Variants in SIK3 observed in about 807,000 individuals in gnomAD.
The protein encoded by SIK3 is SIK family kinase 3, also known as serine/threonine-protein kinase SIK3.
A neutral mutation model predicts 144.2 loss-of-function variants in SIK3; 28 were observed. The observed-to-expected ratio is 0.19, with a 90% CI of 0.14 to 0.27. SIK3 has a LOEUF of 0.27. Ranked by LOEUF, SIK3 falls within the 10% of genes least tolerant of loss-of-function variation. SIK3 has a pLI of 1.00. For synonymous variants in SIK3, 686 were observed against 676.3 expected, an observed-to-expected ratio of 1.01 and a Z score of -0.22; for missense variants, 1,319 against 1,776.0, an observed-to-expected ratio of 0.74 and a Z score of 4.62.
At chr11:117,058,149 G>C (rs1460610729) in intron 1 of SIK3, among the ~76,000 whole-genome samples, 1 of 152,142 alleles carries the variant, frequency 6.6e-6, no homozygotes, top group Non-Finnish European at 1.5e-5. Flanking sequence ...TGAAGGATCT[G>C]AAAAAGGGCC....
At chr11:117,094,604 C>A (rs943498328) in intron 1 of SIK3, among the ~76,000 whole-genome samples, 1 of 151,878 alleles carries the variant, frequency 6.6e-6, no homozygotes, top group Non-Finnish European at 1.5e-5. Context: ...TAAGACCCTG[C>A]CCCAATATTT....
intron 1 of SIK3, among the ~76,000 whole-genome samples, chr11:117,085,465 A>T (rs568192334): frequency 4.6e-5 from 7 of 152,228 alleles, no homozygotes; most frequent in Admixed American, 2.0e-4. Context: ...AAGAATCTTC[A>T]TCTATTTAGA....
intron 22 of SIK3, 114 bp from the exon 23 acceptor site, chr11:116,847,722 A>G: frequency 1.6e-6 from 2 of 1,230,386 alleles, no homozygotes; most frequent in Non-Finnish European, 2.3e-6. Flanking sequence ...CCGGGGCCCC[A>G]CTCCAGACTC....
At chr11:116,865,253 A>T (rs1348357889) in intron 15 of SIK3, among the ~76,000 whole-genome samples, 1 of 152,142 alleles carries the variant, frequency 6.6e-6, no homozygotes, top group Admixed American at 6.5e-5. Flanking sequence ...CCCCTCAGAA[A>T]GCCATGTTCT....
chr11:116,957,303 A>G (rs1949174177), intron 1 of SIK3, among the ~76,000 whole-genome samples: 1 of 152,162 alleles, frequency 6.6e-6, no homozygotes, highest in Non-Finnish European at 1.5e-5. Flanking sequence ...CATTTCTTCA[A>G]TTGCTTATAC....
chr11:117,074,245 A>G (rs1319998790), intron 1 of SIK3, among the ~76,000 whole-genome samples: 1 of 152,170 alleles, frequency 6.6e-6, no homozygotes, highest in Non-Finnish European at 1.5e-5. Flanking sequence ...TACTCCTAGC[A>G]AACAGGATCC....
chr11:116,977,669 A>G (rs1160724911), intron 1 of SIK3, among the ~76,000 whole-genome samples: 1 of 152,172 alleles, frequency 6.6e-6, no homozygotes, highest in Non-Finnish European at 1.5e-5. Flanking sequence ...AAATAAAAAT[A>G]AACAAACTAA....
chr11:117,011,405 G>A (rs1951247361), intron 1 of SIK3, among the ~76,000 whole-genome samples: 3 of 152,152 alleles, frequency 2.0e-5, no homozygotes, highest in Admixed American at 2.0e-4. Context: ...AATTCCAAGA[G>A]ATGATTTGGG....
At chr11:117,022,320 G>A (rs1428099951) in intron 1 of SIK3, among the ~76,000 whole-genome samples, 1 of 151,566 alleles carries the variant, frequency 6.6e-6, no homozygotes, top group African/African-American at 2.4e-5. Context: ...TGCATTTCCT[G>A]GTATATAAAT....
chr11:116,920,241 G>C (rs1946886581), intron 4 of SIK3, among the ~76,000 whole-genome samples: 1 of 148,480 alleles, frequency 6.7e-6, no homozygotes, highest in African/African-American at 2.5e-5. Flanking sequence ...GAACCTAAAT[G>C]AAATCCCACA....
intron 1 of SIK3, among the ~76,000 whole-genome samples, chr11:117,081,349 C>T (rs1954775779): frequency 6.6e-6 from 1 of 152,162 alleles, no homozygotes; most frequent in Admixed American, 6.5e-5. Flanking sequence ...AGAGGCCGGG[C>T]GCAGTGGCTC....
intron 1 of SIK3, among the ~76,000 whole-genome samples, chr11:117,091,175 C>T (rs1042501714): frequency 1.3e-5 from 2 of 148,502 alleles, no homozygotes; most frequent in Admixed American, 6.7e-5. Flanking sequence ...TTTAAAAGTC[C>T]GTAAAATCCT....
intron 1 of SIK3, among the ~76,000 whole-genome samples, chr11:116,971,245 A>G (rs1949755293): frequency 6.6e-6 from 1 of 152,244 alleles, no homozygotes; most frequent in Admixed American, 6.5e-5. Flanking sequence ...AATTAAATGG[A>G]ATGTGAAACG....
At chr11:117,076,157 A>G (rs553719948) in intron 1 of SIK3, among the ~76,000 whole-genome samples, 12 of 152,006 alleles carry the variant, frequency 7.9e-5, no homozygotes, top group South Asian at 4.2e-4. Flanking sequence ...CCAGTTACTG[A>G]TACTCGTAAA....
chr11:116,847,427 G>C, intron 23 of SIK3, 49 bp downstream of exon 23: 2 of 1,609,784 alleles, frequency 1.2e-6, no homozygotes, highest in East Asian at 4.5e-5. Context: ...GATGGAGGGA[G>C]GCCCCTCCAG....
intron 1 of SIK3, among the ~76,000 whole-genome samples, chr11:117,021,616 G>A (rs1381250044): frequency 6.6e-6 from 1 of 151,994 alleles, no homozygotes; most frequent in Non-Finnish European, 1.5e-5. Context: ...AAGATGTAAA[G>A]TCTATATAAG....
chr11:117,035,843 T>C, intron 1 of SIK3: 1 of 1,584,270 alleles, frequency 6.3e-7, no homozygotes, highest in South Asian at 1.1e-5. Context: ...AAGCCTTGCT[T>C]TTCCTCCTGT....
chr11:117,023,595 AACAAACAAACAAAC>A (rs1261352613), intron 1 of SIK3, among the ~76,000 whole-genome samples: 18 of 48,884 alleles, frequency 3.7e-4, no homozygotes, highest in African/African-American at 2.3e-3. Context: ...CAAACAAACA[AACAAACAAACAAAC>A]AAAAAAAAAA....
At chr11:116,999,599 CT>C (rs1300270037) in intron 1 of SIK3, among the ~76,000 whole-genome samples, 1 of 151,270 alleles carries the variant, frequency 6.6e-6, no homozygotes, top group Non-Finnish European at 1.5e-5. Flanking sequence ...CTTTTCTTTT[CT>C]TTTTTGTTTT....
Sources: allele counts gnomAD v4.1 joint callset (sites outside exome capture counted in the v4.1 genomes callset), GRCh38; gene constraint gnomAD v4.1.1; transcripts MANE v1.5; gene names NCBI Gene and HGNC (gene_info 2026-07-23, HGNC 2026-07-21).